Variants in GRIA4 observed in about 807,000 individuals in gnomAD.
GRIA4 encodes glutamate receptor 4.
Under a neutral mutation model 104.0 loss-of-function variants are expected in GRIA4, and 34 were observed. The observed-to-expected ratio is 0.33, with a 90% confidence interval of 0.25 to 0.44. The LOEUF (loss-of-function observed/expected upper bound fraction) is 0.44, where lower values mean the gene tolerates loss of function less well. Ranked by LOEUF, GRIA4 falls within the 20% of genes least tolerant of loss-of-function variation. The pLI is 1.00. For synonymous variants in GRIA4, 386 were observed against 381.9 expected (o/e 1.01, Z -0.13); for missense variants, 750 against 1,096.5 (o/e 0.68, Z 4.46).
intron 3 of GRIA4, among the ~76,000 whole-genome samples, chr11:105,649,741 A>T (rs1565433851): frequency 6.6e-6 from 1 of 152,118 alleles, no homozygotes; most frequent in Non-Finnish European, 1.5e-5. Flanking sequence ...TAATTTTATT[A>T]TATTTATCAA....
chr11:105,866,909 G>T (rs973797265), intron 5 of GRIA4, among the ~76,000 whole-genome samples: 2 of 152,006 alleles, frequency 1.3e-5, no homozygotes, highest in South Asian at 2.1e-4. Flanking sequence ...ATCAGGAAAA[G>T]ATAGTAAGGA....
At position 105,611,002 on chromosome 11, in the gene GRIA4, G is replaced by C; in HGVS notation, c.5G>C (p.Arg2Thr). M[R>T]IISRQIVLLF... ...CCAGGGAGAGGAGAAAAGAAGATGA[G>C]GATTATTTCCAGACAGATTGTCTTG... The change falls in exon 2 of 17, where the codon AGG (arginine) becomes ACG (threonine). Residue 2 changes from arginine to threonine, a missense_variant. Physicochemically the swap from Arg to Thr is moderately conservative, Grantham distance 71. Around this residue, in one of 3 missense-constraint regions of GRIA4, gnomAD observed 410 missense variants for 502.7 expected, o/e 0.82. Transcript: ENST00000282499. 1 of 1,609,296 alleles carries C rather than the reference G, an allele frequency of 6.2e-7. No individual in the cohort carries two copies.
At chr11:105,656,747 T>C (rs1423026127) in intron 3 of GRIA4, among the ~76,000 whole-genome samples, 4 of 152,072 alleles carry the variant, frequency 2.6e-5, no homozygotes, top group Admixed American at 6.6e-5. Flanking sequence ...ATCAGAAATA[T>C]ATGTGTTTAA....
chr11:105,954,644 A>G (rs1441368894), intron 14 of GRIA4, among the ~76,000 whole-genome samples: 1 of 152,092 alleles, frequency 6.6e-6, no homozygotes, highest in Admixed American at 6.5e-5. Flanking sequence ...ACATTATACT[A>G]TAAGTACTCC....
chr11:105,761,119 A>G (rs973492671), intron 4 of GRIA4, among the ~76,000 whole-genome samples: 5 of 152,160 alleles, frequency 3.3e-5, no homozygotes, highest in Non-Finnish European at 5.9e-5. Context: ...CTCTAATTCC[A>G]TAATTTTTTA....
chr11:105,889,191 G>A (rs1352523455), intron 6 of GRIA4, among the ~76,000 whole-genome samples: 1 of 152,106 alleles, frequency 6.6e-6, no homozygotes, highest in Non-Finnish European at 1.5e-5. Context: ...ATACAAGATG[G>A]AATGAATTAA....
At position 105,903,798 on chromosome 11, in the gene GRIA4, A is replaced by AT; in HGVS notation, c.886-12dup. 1 of 1,570,816 alleles carries AT rather than the reference A, an allele frequency of 6.4e-7. No individual in the cohort carries two copies. Among genetic ancestry groups the AT allele is most frequent in the Non-Finnish European group, 8.8e-7 (1 of 1,142,406 alleles). ...GATTTTAACATTTACCATTATGTTC[A>AT]TTTTCATTTGGTTAGTACACCTCTG... On this transcript the variant is annotated splice_polypyrimidine_tract_variant and intron_variant, in intron 7 of 16. Transcript: ENST00000282499.
intron 14 of GRIA4, among the ~76,000 whole-genome samples, chr11:105,954,117 A>C (rs111899194): frequency 3.3e-5 from 5 of 152,292 alleles, no homozygotes; most frequent in African/African-American, 1.2e-4. Context: ...TGCATTGCTC[A>C]TACTTCTCTG....
Position 105,644,655 on chromosome 11 carries a change from T to C in GRIA4, c.247+32221T>C, listed in dbSNP as rs193116266. ...TTAAAAAATACCATTTTTATCTTTT[T>C]AGAAAATCAAAATTGTATTTGAATA... On this transcript the variant is annotated intron_variant, in intron 3 of 16. Coordinates refer to ENST00000282499, the MANE Select transcript of GRIA4 (RefSeq NM_000829.4). 3.0e-4 allele frequency among the ~76,000 whole-genome samples: 45 copies of C among 152,222 alleles called. No individual in the cohort carries two copies. The East Asian group carries it at 7.7e-3, about 26-fold the overall frequency.
chr11:105,637,664 A>AT (rs928916027), intron 3 of GRIA4, among the ~76,000 whole-genome samples: 3 of 152,154 alleles, frequency 2.0e-5, no homozygotes, highest in African/African-American at 7.2e-5. Flanking sequence ...ATGTTTTAGG[A>AT]GAGTGTCTCC....
intron 4 of GRIA4, among the ~76,000 whole-genome samples, chr11:105,771,061 C>A: frequency 6.6e-6 from 1 of 151,952 alleles, no homozygotes; most frequent in East Asian, 1.9e-4. Context: ...TACACATATC[C>A]AAAATTTCCC....
chr11:105,809,061 T>C (rs1447497741), intron 4 of GRIA4, among the ~76,000 whole-genome samples: 1 of 152,136 alleles, frequency 6.6e-6, no homozygotes, highest in African/African-American at 2.4e-5. Context: ...GTGACAAATA[T>C]ACCTCACTGA....
At chr11:105,671,186 G>A (rs1442302162) in intron 3 of GRIA4, among the ~76,000 whole-genome samples, 1 of 152,032 alleles carries the variant, frequency 6.6e-6, no homozygotes, top group African/African-American at 2.4e-5. Flanking sequence ...TGCTGTGTAA[G>A]GTAACATATT....
intron 3 of GRIA4, among the ~76,000 whole-genome samples, chr11:105,654,409 C>T (rs7951215): frequency 0.52 from 78,703 of 151,460 alleles, 20,675 homozygotes; most frequent in Admixed American, 0.61. Flanking sequence ...AATCTGGCCA[C>T]TCCACAATTT....
intron 3 of GRIA4, among the ~76,000 whole-genome samples, chr11:105,720,639 T>C (rs1176906331): frequency 6.6e-6 from 1 of 152,228 alleles, no homozygotes; most frequent in African/African-American, 2.4e-5. Context: ...CTTTATTTGC[T>C]TGATCCCTTA....
intron 4 of GRIA4, among the ~76,000 whole-genome samples, chr11:105,822,527 T>A (rs1422499233): frequency 1.3e-5 from 2 of 152,116 alleles, no homozygotes; most frequent in Non-Finnish European, 2.9e-5. Context: ...GTCTGAGCAA[T>A]GGTAGGGTGC....
intron 3 of GRIA4, among the ~76,000 whole-genome samples, chr11:105,646,422 G>T (rs1362333863): frequency 6.6e-6 from 1 of 152,050 alleles, no homozygotes; most frequent in African/African-American, 2.4e-5. Context: ...GTGAGACTCT[G>T]TCTCTACAAA....
At chr11:105,926,994 A>G (rs1947726078) in intron 13 of GRIA4, 55 bp downstream of exon 13, 2 of 1,201,884 alleles carry the variant, frequency 1.7e-6, no homozygotes, top group Admixed American at 1.9e-5. Context: ...AATTCAGGCA[A>G]TTTTTCCAAC....
At chr11:105,715,640 G>A (rs1482997358) in intron 3 of GRIA4, among the ~76,000 whole-genome samples, 2 of 152,188 alleles carry the variant, frequency 1.3e-5, no homozygotes, top group African/African-American at 4.8e-5. Flanking sequence ...TTTAAAGAAT[G>A]TAATTCTGTA....
Sources: gnomAD v4.1 joint callset for allele counts (sites outside exome capture counted in the v4.1 genomes callset) on GRCh38, gnomAD v4.1.1 for gene constraint, gnomAD v4.1.1 regional missense constraint, MANE v1.5 for transcripts, NCBI Gene and HGNC (gene_info 2026-07-23, HGNC 2026-07-21) for gene names.